Variants in ELAVL4 observed in about 807,000 individuals in gnomAD.
The protein encoded by ELAVL4 is ELAV like RNA binding protein 4.
Under a neutral mutation model 35.6 loss-of-function variants are expected in ELAVL4, and 1 was observed. The observed-to-expected ratio is 0.03, with a 90% CI of 0.01 to 0.13. The LOEUF is 0.13. Ranked by LOEUF, ELAVL4 falls within the 10% of genes least tolerant of loss-of-function variation. The pLI is 1.00. For missense variants in ELAVL4, 267 were observed against 464.9 expected (o/e 0.57, Z 3.91); for synonymous variants, 156 against 171.0 (o/e 0.91, Z 0.69).
rs533465158 is a variant in ELAVL4, at chr1:50,200,677, C to T, written c.774-174C>T. 388 of 1,326,600 alleles carry T rather than the reference C, an allele frequency of 2.9e-4. 1 individual carries two copies. In the African/African-American group the frequency reaches 5.1e-3, roughly 18 times the overall value. 82.2% of individuals were successfully genotyped at this position (1,326,600 alleles called of 1,614,324 possible). A position where few individuals can be genotyped will look rare whatever the true frequency, so the allele number is the denominator to read the frequency against. On this transcript the variant is annotated intron_variant, in intron 6 of 6. Transcript: ENST00000371824. The stretch of plus-strand genomic sequence containing the variant: ...CATGCCCTAGCCAGTCAAGCCATTC[C>T]CATCAGAGGAAATGACATAGACATT...
intron 1 of ELAVL4, among the ~76,000 whole-genome samples, chr1:50,089,190 T>A (rs1665383438): frequency 6.6e-6 from 1 of 152,040 alleles, no homozygotes; most frequent in Non-Finnish European, 1.5e-5. Flanking sequence ...GAAAGACTCA[T>A]AAGAACTTAT....
At chr1:50,102,635 T>C (rs192820700), upstream of ELAVL4, among the ~76,000 whole-genome samples, 613 of 152,382 alleles carry the variant, frequency 4.0e-3, 6 homozygotes, top group African/African-American at 0.014. Context: ...ATGGTATGAA[T>C]AGCTACTCCA....
At chr1:50,134,570 T>C (rs549768719) in intron 1 of ELAVL4, among the ~76,000 whole-genome samples, 1 of 152,318 alleles carries the variant, frequency 6.6e-6, no homozygotes, top group African/African-American at 2.4e-5. Flanking sequence ...TTAGAGCTGA[T>C]ACTTTTGCAG....
chr1:50,063,011 A>G (rs958848317), intron 1 of ELAVL4, among the ~76,000 whole-genome samples: 2 of 152,174 alleles, frequency 1.3e-5, no homozygotes, highest in South Asian at 4.1e-4. Flanking sequence ...TCTGTCCTCA[A>G]GAAGGTTTCA....
intron 1 of ELAVL4, among the ~76,000 whole-genome samples, chr1:50,050,540 CCTAATT>C (rs1188648053): frequency 2.6e-5 from 4 of 152,138 alleles, no homozygotes; most frequent in Non-Finnish European, 5.9e-5. Context: ...CTTTGGGAGG[CCTAATT>C]CTGCATAATA....
At chr1:50,174,342 T>A (rs897442045) in intron 2 of ELAVL4, 1 of 152,184 alleles carries the variant, frequency 6.6e-6, no homozygotes, top group African/African-American at 2.4e-5. Context: ...ATCTTTCAAT[T>A]CACAGGCAAG....
chr1:50,104,245 C>T (rs1167377759), upstream of ELAVL4, among the ~76,000 whole-genome samples: 1 of 152,108 alleles, frequency 6.6e-6, no homozygotes, highest in African/African-American at 2.4e-5. Flanking sequence ...GAGAGGTTAC[C>T]TTGAGATAAA....
At chr1:50,171,044 A>G (rs955708698) in intron 2 of ELAVL4, among the ~76,000 whole-genome samples, 1 of 152,184 alleles carries the variant, frequency 6.6e-6, no homozygotes, top group African/African-American at 2.4e-5. Context: ...AAACAAACAA[A>G]AAAACCCCAC....
At chr1:50,092,408 C>T (rs886844310) in intron 1 of ELAVL4, among the ~76,000 whole-genome samples, 5 of 152,254 alleles carry the variant, frequency 3.3e-5, no homozygotes, top group South Asian at 2.1e-4. Flanking sequence ...TGGCATGTTT[C>T]GGGATGGTTT....
intron 2 of ELAVL4, among the ~76,000 whole-genome samples, chr1:50,161,792 C>T (rs552785406): frequency 2.7e-4 from 41 of 152,292 alleles, no homozygotes; most frequent in African/African-American, 9.4e-4. Flanking sequence ...AGGGCAGGAT[C>T]GTGGCTCCCT....
chr1:50,202,593 C>G lies in ELAVL4; in HGVS notation c.*1415C>G, dbSNP rs908582032. 1.3e-5 allele frequency: 2 copies of G among 151,996 alleles called. No homozygotes were observed. The highest frequency in any genetic ancestry group is 4.8e-5 in the African/African-American group (2 of 41,386). 9.4% of individuals were successfully genotyped at this position (151,996 alleles called of 1,614,324 possible). On this transcript the variant is annotated 3_prime_UTR_variant, in exon 7 of 7. Coordinates refer to ENST00000371824, the MANE Select transcript of ELAVL4 (RefSeq NM_001144774.3). The stretch of plus-strand genomic sequence containing the variant: ...AAATATAGCTAGATTGGCTAGACTA[C>G]TTATTTGTTTACTTAAACTATGGGA...
At chr1:50,151,527 A>G (rs1467994087) in intron 2 of ELAVL4, among the ~76,000 whole-genome samples, 1 of 152,188 alleles carries the variant, frequency 6.6e-6, no homozygotes, top group Non-Finnish European at 1.5e-5. Context: ...TAAGCATAAT[A>G]AAAACCCAGC....
chr1:50,103,910 G>C (rs74919771), upstream of ELAVL4: 1 of 1,612,626 alleles, frequency 6.2e-7, no homozygotes, highest in African/African-American at 1.3e-5. Context: ...GAGAGGCTCA[G>C]TCTGACTTGG....
chr1:50,052,271 GA>G (rs1557676423), intron 1 of ELAVL4, among the ~76,000 whole-genome samples: 1 of 152,094 alleles, frequency 6.6e-6, no homozygotes, highest in East Asian at 1.9e-4. Flanking sequence ...TTACATGTGA[GA>G]AACCCCAAAA....
At chr1:50,079,262 G>A (rs1333147975) in intron 1 of ELAVL4, among the ~76,000 whole-genome samples, 1 of 152,142 alleles carries the variant, frequency 6.6e-6, no homozygotes, top group African/African-American at 2.4e-5. Context: ...ACTGTCACAA[G>A]TTGTATTCCC....
intron 6 of ELAVL4, among the ~76,000 whole-genome samples, chr1:50,198,484 C>G: frequency 6.6e-6 from 1 of 152,188 alleles, no homozygotes. Context: ...ACTCTGGGAA[C>G]TGGTGCATGG....
chr1:50,168,670 C>T (rs1206444771), intron 2 of ELAVL4, among the ~76,000 whole-genome samples: 1 of 152,078 alleles, frequency 6.6e-6, no homozygotes, highest in Admixed American at 6.6e-5. Context: ...CACTAAACTC[C>T]TTGCCACTCA....
intron 1 of ELAVL4, among the ~76,000 whole-genome samples, chr1:50,078,999 G>A (rs1664886151): frequency 6.6e-6 from 1 of 152,172 alleles, no homozygotes; most frequent in Non-Finnish European, 1.5e-5. Flanking sequence ...CTGGATCTGA[G>A]TTCTAGTTAT....
At position 50,050,536 on chromosome 1, in the gene ELAVL4, G is replaced by A. The variant is rs572529575; in HGVS notation, c.18+2354G>A. Among the ~76,000 whole-genome samples the A allele has an allele frequency of 5.3e-5, 8 of 152,282 alleles. No homozygotes were observed. The South Asian group carries it at 1.7e-3, about 32-fold the overall frequency. On this transcript the variant is annotated intron_variant, in intron 1 of 6. Transcript: ENST00000448907. Reference sequence around the variant, plus strand: ...AGATGTGTTAAGTACATGCCTTTGGGAGGCCTAATTCTGCATAATAGCATA... The same window carrying A: ...AGATGTGTTAAGTACATGCCTTTGGAAGGCCTAATTCTGCATAATAGCATA...
Sources: gnomAD v4.1 joint callset for allele counts (sites outside exome capture counted in the v4.1 genomes callset) on GRCh38, gnomAD v4.1.1 for gene constraint, MANE v1.5 for transcripts, NCBI Gene and HGNC (gene_info 2026-07-23, HGNC 2026-07-21) for gene names.